Variants in HMGCLL1 observed in about 807,000 individuals in gnomAD.
The protein encoded by HMGCLL1 is 3-hydroxy-3-methylglutaryl-CoA lyase like 1.
Under a neutral mutation model 39.1 loss-of-function variants are expected in HMGCLL1, and 36 were observed. That is an observed-to-expected ratio of 0.92 (90% CI 0.71 to 1.22). The LOEUF (loss-of-function observed/expected upper bound fraction) is 1.22, where lower values mean the gene tolerates loss of function less well. Among genes scored for constraint, HMGCLL1 ranks in the 50% most tolerant of loss-of-function variants. HMGCLL1 has a pLI of 0.00. For missense variants in HMGCLL1, 451 were observed against 416.5 expected (o/e 1.08, Z -0.72); for synonymous variants, 149 against 144.0 (o/e 1.03, Z -0.25).
chr6:55,589,549 C>G, the HMGCLL1 span, among the ~76,000 whole-genome samples: 3 of 152,056 alleles, frequency 2.0e-5, no homozygotes, highest in Non-Finnish European at 4.4e-5. Context: ...AAGTTCTGGC[C>G]AGGGCAATTA....
intron 1 of HMGCLL1, 50 bp from the exon 2 acceptor site, chr6:55,542,190 A>G (rs1561949138): frequency 8.2e-7 from 1 of 1,215,122 alleles, no homozygotes. Flanking sequence ...AGATTGTTAC[A>G]TTTGCTTATT....
At chr6:55,477,344 T>TCTAA (rs1765461530) in intron 7 of HMGCLL1, among the ~76,000 whole-genome samples, 12 of 34,354 alleles carry the variant, frequency 3.5e-4, no homozygotes, top group African/African-American at 1.3e-3. Context: ...ATATATATTA[T>TCTAA]ATTTAGATAA....
intron 1 of HMGCLL1, among the ~76,000 whole-genome samples, chr6:55,544,611 T>C (rs1769850374): frequency 6.6e-6 from 1 of 152,120 alleles, no homozygotes. Context: ...GTGGCTGTTT[T>C]GAATGCAGAA....
At chr6:55,546,210 T>C (rs138322777) in intron 1 of HMGCLL1, among the ~76,000 whole-genome samples, 21 of 152,280 alleles carry the variant, frequency 1.4e-4, no homozygotes, top group African/African-American at 4.3e-4. Context: ...TTCAACAAAA[T>C]TTTTATTGAT....
chr6:55,544,272 T>C (rs746510022), intron 1 of HMGCLL1, among the ~76,000 whole-genome samples: 1 of 152,122 alleles, frequency 6.6e-6, no homozygotes, highest in Non-Finnish European at 1.5e-5. Flanking sequence ...CTTCTAAATA[T>C]GCCCATTTAG....
At chr6:55,552,369 C>A (rs1770386231) in intron 1 of HMGCLL1, among the ~76,000 whole-genome samples, 1 of 152,016 alleles carries the variant, frequency 6.6e-6, no homozygotes. Flanking sequence ...CTCAATAGAG[C>A]TACCTACTCC....
At chr6:55,483,892 C>T (rs901573532) in intron 7 of HMGCLL1, among the ~76,000 whole-genome samples, 1 of 152,116 alleles carries the variant, frequency 6.6e-6, no homozygotes, top group African/African-American at 2.4e-5. Context: ...ATTGTTATCA[C>T]AGAATAGAAA....
the HMGCLL1 span, among the ~76,000 whole-genome samples, chr6:55,635,407 T>G: frequency 6.6e-6 from 1 of 152,076 alleles, no homozygotes; most frequent in Non-Finnish European, 1.5e-5. Context: ...CTGACTGTTT[T>G]GAGGGCCAAG....
At chr6:55,622,463 A>G in the HMGCLL1 span, among the ~76,000 whole-genome samples, 62,171 of 151,816 alleles carry the variant, frequency 0.41, 13,375 homozygotes, top group Middle Eastern at 0.55. Context: ...CAGTTTTTTG[A>G]TGGTTTTTAT....
At chr6:55,602,799 C>A in the HMGCLL1 span, among the ~76,000 whole-genome samples, 1 of 151,968 alleles carries the variant, frequency 6.6e-6, no homozygotes, top group Non-Finnish European at 1.5e-5. Context: ...GTCTAAACTG[C>A]ATGTGATTTA....
intron 7 of HMGCLL1, among the ~76,000 whole-genome samples, chr6:55,477,822 T>C (rs1017038255): frequency 4.0e-5 from 6 of 150,796 alleles, no homozygotes; most frequent in Non-Finnish European, 5.9e-5. Context: ...TACTGTTTTG[T>C]TTAGAATTTG....
upstream of HMGCLL1, among the ~76,000 whole-genome samples, chr6:55,581,459 T>A (rs949994079): frequency 6.6e-6 from 1 of 152,238 alleles, no homozygotes; most frequent in South Asian, 2.1e-4. Flanking sequence ...TTAAAATAGA[T>A]GTGATTTTAC....
intron 4 of HMGCLL1, among the ~76,000 whole-genome samples, chr6:55,515,189 G>C (rs1561929838): frequency 6.6e-6 from 1 of 151,500 alleles, no homozygotes. Context: ...GGAGGCGGAG[G>C]TTGCAGTGAA....
At chr6:55,550,385 T>C (rs763477183) in intron 1 of HMGCLL1, among the ~76,000 whole-genome samples, 6 of 151,930 alleles carry the variant, frequency 3.9e-5, no homozygotes, top group Non-Finnish European at 5.9e-5. Context: ...GCCCCCATCC[T>C]AACTGGAAAG....
At chr6:55,534,154 A>T (rs1768872209) in intron 3 of HMGCLL1, among the ~76,000 whole-genome samples, 1 of 152,166 alleles carries the variant, frequency 6.6e-6, no homozygotes, top group Non-Finnish European at 1.5e-5. Context: ...TAAAATAGGT[A>T]TTCTTTTTAA....
chr6:55,487,050 C>T (rs1766068220), intron 7 of HMGCLL1, among the ~76,000 whole-genome samples: 1 of 152,060 alleles, frequency 6.6e-6, no homozygotes, highest in African/African-American at 2.4e-5. Context: ...CCTTTTAATA[C>T]CATCACACTG....
At chr6:55,446,101 C>T (rs1322402075) in intron 7 of HMGCLL1, among the ~76,000 whole-genome samples, 1 of 151,732 alleles carries the variant, frequency 6.6e-6, no homozygotes, top group Non-Finnish European at 1.5e-5. Context: ...TCCTGTAGCT[C>T]ACAGAATTTA....
chr6:55,618,585 A>G, the HMGCLL1 span, among the ~76,000 whole-genome samples: 1 of 152,068 alleles, frequency 6.6e-6, no homozygotes, highest in Non-Finnish European at 1.5e-5. Context: ...TAAAAAGGCC[A>G]ACACAGGTAC....
At chr6:55,514,231 A>G (rs1228516101) in intron 4 of HMGCLL1, 35 bp from the exon 5 acceptor site, 23 of 1,534,474 alleles carry the variant, frequency 1.5e-5, no homozygotes, top group Non-Finnish European at 1.9e-5. Context: ...AAATCTAATA[A>G]CTTCAAAAAT....
Sources: allele counts gnomAD v4.1 joint callset (sites outside exome capture counted in the v4.1 genomes callset), GRCh38; gene constraint gnomAD v4.1.1; transcripts MANE v1.5; gene names NCBI Gene and HGNC (gene_info 2026-07-23, HGNC 2026-07-21).